Variants in BCL11B observed in about 807,000 individuals in gnomAD.
BCL11B encodes B-cell lymphoma/leukemia 11B.
A neutral mutation model predicts 49.9 loss-of-function variants in BCL11B; 8 were observed. The observed-to-expected ratio is 0.16, with a 90% CI of 0.09 to 0.29. BCL11B has a LOEUF of 0.29. BCL11B is among the 10% of genes least tolerant of loss of function. The pLI is 1.00. For synonymous variants in BCL11B, 739 were observed against 637.4 expected, an observed-to-expected ratio of 1.16 and a Z score of -2.40; for missense variants, 1,006 against 1,351.0, an observed-to-expected ratio of 0.74 and a Z score of 4.00.
chr14:99,178,967 GC>G (rs1161222586), intron 3 of BCL11B, among the ~76,000 whole-genome samples: 1 of 152,152 alleles, frequency 6.6e-6, no homozygotes, highest in Non-Finnish European at 1.5e-5. Context: ...GATCTGGGTG[GC>G]CACAGATTTT....
In BCL11B at chr14:99,257,505, C is replaced by G; in HGVS notation, c.393G>C (p.Thr131=). The change falls in exon 2 of 4, where the codon ACG becomes ACC. Residue 131 remains threonine, a synonymous_variant. Transcript: ENST00000357195. The surrounding 1 kb of genome is among the most constrained non-coding windows in gnomAD (Gnocchi z 6.2). The part of the protein sequence containing the change: ...PDEDDHLLSP[T]KGICPKQENI... ...TCTCCTGCTTGGGACAGATGCCTTT[C>G]GTGGGTGAGAGCAGGTGGTCATCTT... is the stretch of plus-strand genomic sequence containing the variant. 1 of 1,610,228 alleles carries G rather than the reference C, an allele frequency of 6.2e-7. No individual in the cohort carries two copies. Among genetic ancestry groups the G allele is most frequent in the Non-Finnish European group, 8.5e-7 (1 of 1,177,294 alleles).
At chr14:99,217,799 C>T (rs1020549170) in intron 3 of BCL11B, among the ~76,000 whole-genome samples, 7 of 152,124 alleles carry the variant, frequency 4.6e-5, no homozygotes, top group African/African-American at 1.4e-4. Context: ...CTGACCCCGC[C>T]GCCTGCCACC....
chr14:99,199,699 C>T (rs1249624561), intron 3 of BCL11B, among the ~76,000 whole-genome samples: 1,382 of 63,810 alleles, frequency 0.022, 13 homozygotes, highest in Admixed American at 0.024. Flanking sequence ...CGCGCGCGCA[C>T]GTGCACGTGT....
chr14:99,265,745 C>T (rs1232112830), intron 1 of BCL11B, among the ~76,000 whole-genome samples: 2 of 152,188 alleles, frequency 1.3e-5, no homozygotes, highest in Non-Finnish European at 2.9e-5. Flanking sequence ...AGATAAATTG[C>T]TGGCCCTGTG....
At chr14:99,261,593 T>C (rs1204023979) in intron 1 of BCL11B, among the ~76,000 whole-genome samples, 1 of 152,150 alleles carries the variant, frequency 6.6e-6, no homozygotes, top group African/African-American at 2.4e-5. Context: ...CATGCAGCCT[T>C]GTCCAGCAAA....
At chr14:99,182,509 G>A (rs1037715782) in intron 3 of BCL11B, among the ~76,000 whole-genome samples, 1 of 152,214 alleles carries the variant, frequency 6.6e-6, no homozygotes, top group Non-Finnish European at 1.5e-5. Context: ...ATGTCAAGAT[G>A]TGTTGCTTTT....
chr14:99,231,633 CG>C lies in BCL11B; in HGVS notation c.428-77del. On this transcript the variant is annotated intron_variant, in intron 2 of 3. Transcript: ENST00000357195. The surrounding 1 kb of genome is among the most constrained non-coding windows in gnomAD (Gnocchi z 8.1). ...GAGGGGCACGGGGTGGGACGGGGCT[CG>C]GGGCGTGGGGCTCTGCTCAGGCCAC... 1 of 1,078,812 alleles carries C rather than the reference CG, an allele frequency of 9.3e-7. No homozygotes were observed. The highest frequency in any genetic ancestry group is 4.1e-5 in the East Asian group (1 of 24,292). 66.8% of individuals were successfully genotyped at this position (1,078,812 alleles called of 1,614,324 possible). A position where few individuals can be genotyped will look rare whatever the true frequency, so the allele number is the denominator to read the frequency against.
Position 99,175,688 on chromosome 14 carries a change from C to T in BCL11B, c.1148G>A (p.Gly383Asp), listed in dbSNP as rs750270104. Residue 383 changes from glycine (G) to aspartate (D), a missense_variant, in exon 4 of 4, where the codon GGC becomes GAC. This residue lies in a region of BCL11B where 97 missense variants were observed against 81.5 expected (regional missense o/e 1.19). Transcript: ENST00000357195. ...GAGCCGGTGCATAGGGTTGCCGCGG[C>T]CCGGGGACACGGGCGGCGGCGTGGA... ...NSSTPPPVSP[G>D]RGNPMHRLLN... 2.1e-5 allele frequency: 32 copies of T among 1,527,758 alleles called. No homozygotes were observed. The highest frequency in any genetic ancestry group is 2.8e-5 in the Non-Finnish European group (32 of 1,151,664). The allele number at this position is 1,527,758 out of a possible 1,614,324, so 94.6% of individuals were successfully genotyped here. A position where few individuals can be genotyped will look rare whatever the true frequency, so the allele number is the denominator to read the frequency against.
At chr14:99,177,836 GT>G (rs1340177482) in intron 3 of BCL11B, among the ~76,000 whole-genome samples, 1 of 151,972 alleles carries the variant, frequency 6.6e-6, no homozygotes, top group Non-Finnish European at 1.5e-5. Flanking sequence ...CAGCATTTTT[GT>G]TTTCCACCCA....
intron 3 of BCL11B, among the ~76,000 whole-genome samples, chr14:99,218,845 TGGTCTA>T (rs992692568): frequency 1.3e-5 from 2 of 152,194 alleles, no homozygotes; most frequent in Non-Finnish European, 2.9e-5. Context: ...TCATTCTGGA[TGGTCTA>T]GGTGGGTCCT....
At chr14:99,179,638 G>C (rs1213754831) in intron 3 of BCL11B, among the ~76,000 whole-genome samples, 1 of 152,046 alleles carries the variant, frequency 6.6e-6, no homozygotes, top group African/African-American at 2.4e-5. Flanking sequence ...TACTGGACCC[G>C]TGTCCGGGAA....
intron 3 of BCL11B, among the ~76,000 whole-genome samples, chr14:99,219,425 A>G (rs898520119): frequency 6.6e-6 from 1 of 152,212 alleles, no homozygotes; most frequent in Non-Finnish European, 1.5e-5. Flanking sequence ...ATAGAGAGAA[A>G]GCACAACCAC....
chr14:99,244,320 T>A (rs1888761834), intron 2 of BCL11B, among the ~76,000 whole-genome samples: 1 of 151,326 alleles, frequency 6.6e-6, no homozygotes. Flanking sequence ...CACACACCCC[T>A]AGTCTCCAAA....
At chr14:99,210,225 A>C (rs952125523) in intron 3 of BCL11B, among the ~76,000 whole-genome samples, 4 of 152,184 alleles carry the variant, frequency 2.6e-5, no homozygotes, top group Non-Finnish European at 5.9e-5. Context: ...GACATGCCCA[A>C]CTCTAATGCG....
At chr14:99,268,268 TC>T (rs1450200054) in intron 1 of BCL11B, among the ~76,000 whole-genome samples, 6 of 151,528 alleles carry the variant, frequency 4.0e-5, no homozygotes, top group African/African-American at 1.2e-4. Flanking sequence ...AGACGCTCCC[TC>T]CCCCCTCTCC....
At chr14:99,256,167 C>T (rs984029845) in intron 2 of BCL11B, among the ~76,000 whole-genome samples, 3 of 152,180 alleles carry the variant, frequency 2.0e-5, no homozygotes, top group African/African-American at 7.2e-5. Context: ...CCATCCATCT[C>T]ACCCTCCTAG....
At chr14:99,204,172 A>G (rs1887467277) in intron 3 of BCL11B, among the ~76,000 whole-genome samples, 1 of 152,172 alleles carries the variant, frequency 6.6e-6, no homozygotes, top group Non-Finnish European at 1.5e-5. Flanking sequence ...AAAGGGGTTC[A>G]CTAATGAGCC....
At chr14:99,224,615 C>T (rs192144048) in intron 3 of BCL11B, among the ~76,000 whole-genome samples, 21 of 152,326 alleles carry the variant, frequency 1.4e-4, no homozygotes, top group African/African-American at 3.8e-4. Flanking sequence ...CCCTTCCCAC[C>T]GGCCTTTTCC....
At chr14:99,197,448 C>T (rs887026726) in intron 3 of BCL11B, among the ~76,000 whole-genome samples, 2 of 152,124 alleles carry the variant, frequency 1.3e-5, no homozygotes, top group African/African-American at 4.8e-5. Flanking sequence ...CCATAGTACC[C>T]TTAATAAAGA....
Sources: allele counts gnomAD v4.1 joint callset (sites outside exome capture counted in the v4.1 genomes callset), GRCh38; gene constraint gnomAD v4.1.1; regional missense constraint gnomAD v4.1.1; non-coding constraint Gnocchi (gnomAD v3.1); transcripts MANE v1.5; gene names NCBI Gene and HGNC (gene_info 2026-07-23, HGNC 2026-07-21).